Variants in PCDHA13 observed in about 807,000 individuals in gnomAD.
The protein encoded by PCDHA13 is protocadherin alpha-13.
Under a neutral mutation model 64.8 loss-of-function variants are expected in PCDHA13, and 54 were observed. That is an observed-to-expected ratio of 0.83 (90% CI 0.67 to 1.04). The LOEUF (loss-of-function observed/expected upper bound fraction) is 1.04. Ranked by LOEUF, PCDHA13 falls within the 50% of genes least tolerant of loss-of-function variation. PCDHA13 has a pLI of 0.00. For missense variants in PCDHA13, 1,248 were observed against 1,254.3 expected, an observed-to-expected ratio of 0.99 and a Z score of 0.08; for synonymous variants, 587 against 564.4, an observed-to-expected ratio of 1.04 and a Z score of -0.57.
At chr5:140,904,164 T>C (rs1475689291) in intron 1 of PCDHA13, among the ~76,000 whole-genome samples, 1 of 152,078 alleles carries the variant, frequency 6.6e-6, no homozygotes, top group Non-Finnish European at 1.5e-5. Flanking sequence ...CAGTTTGTAG[T>C]CTTTTATTCC....
rs762916391 is a variant in PCDHA13, at chr5:140,927,929, C to T, written c.2394+43267C>T. 13 of 1,614,090 alleles carry T rather than the reference C, an allele frequency of 8.1e-6. No homozygotes were observed. The highest frequency in any genetic ancestry group is 5.0e-5 in the Admixed American group (3 of 60,008). ...CCCGAACTGGACTTCCTGACTCTTT[C>T]GAACCCAGTACCTGAGGACGCTGCC... On this transcript the variant is annotated intron_variant, in intron 1 of 3. Transcript: ENST00000289272.
At chr5:140,953,419 C>T (rs2094885258) in intron 1 of PCDHA13, among the ~76,000 whole-genome samples, 2 of 152,134 alleles carry the variant, frequency 1.3e-5, no homozygotes, top group Admixed American at 1.3e-4. Context: ...GGCTCCTCCC[C>T]TTTGTCCTTA....
intron 1 of PCDHA13, among the ~76,000 whole-genome samples, chr5:140,935,292 G>A (rs782760921): frequency 3.0e-4 from 46 of 152,068 alleles, no homozygotes; most frequent in Non-Finnish European, 3.8e-4. Context: ...TCAGCACTCC[G>A]AGGTTTTTAC....
intron 1 of PCDHA13, among the ~76,000 whole-genome samples, chr5:140,889,028 C>T (rs1015343865): frequency 4.0e-5 from 6 of 151,754 alleles, no homozygotes; most frequent in African/African-American, 7.3e-5. Flanking sequence ...CTTGGATAAC[C>T]GTAATTTGAT....
chr5:140,989,925 T>G (rs2097366658), intron 3 of PCDHA13, among the ~76,000 whole-genome samples: 1 of 151,810 alleles, frequency 6.6e-6, no homozygotes, highest in South Asian at 2.1e-4. Context: ...AGAGCAGAGA[T>G]AGATGACATT....
chr5:140,937,937 G>T (rs1584936873), intron 1 of PCDHA13, among the ~76,000 whole-genome samples: 1 of 151,274 alleles, frequency 6.6e-6, no homozygotes. Flanking sequence ...AGTTTAATTT[G>T]ATAATTGGCT....
chr5:141,002,173 C>T (rs1442739241), intron 3 of PCDHA13, among the ~76,000 whole-genome samples: 2 of 152,192 alleles, frequency 1.3e-5, no homozygotes, highest in Non-Finnish European at 2.9e-5. Flanking sequence ...TAGGCAGGCT[C>T]CAGAGTGCTG....
At chr5:140,953,948 C>T (rs1012464637) in intron 1 of PCDHA13, among the ~76,000 whole-genome samples, 1 of 152,092 alleles carries the variant, frequency 6.6e-6, no homozygotes, top group Non-Finnish European at 1.5e-5. Flanking sequence ...CATTGCTCCC[C>T]CAACAGGCCC....
intron 1 of PCDHA13, among the ~76,000 whole-genome samples, chr5:140,939,155 G>C (rs1279259680): frequency 6.6e-6 from 1 of 152,196 alleles, no homozygotes; most frequent in Non-Finnish European, 1.5e-5. Flanking sequence ...GGTCCTGGCA[G>C]ATTTGTGTCT....
intron 1 of PCDHA13, among the ~76,000 whole-genome samples, chr5:140,945,463 A>G (rs1554216960): frequency 6.6e-6 from 1 of 152,166 alleles, no homozygotes; most frequent in African/African-American, 2.4e-5. Flanking sequence ...TAAAATTTGC[A>G]TGGAACCACA....
Position 140,927,948 on chromosome 5 carries a change from C to T in PCDHA13, c.2394+43286C>T, listed in dbSNP as rs1012110026. The T allele has an allele frequency of 4.3e-6, 7 of 1,614,072 alleles. No homozygotes were observed. In the African/African-American group the frequency reaches 5.3e-5, roughly 12 times the overall value. On this transcript the variant is annotated intron_variant, in intron 1 of 3. Transcript: ENST00000289272. The stretch of plus-strand genomic sequence containing the variant: ...CTCTTTCGAACCCAGTACCTGAGGA[C>T]GCTGCCCCTGGCACAGTGATTGCTC...
intron 1 of PCDHA13, among the ~76,000 whole-genome samples, chr5:140,936,879 C>A (rs2091197572): frequency 6.6e-6 from 1 of 152,054 alleles, no homozygotes; most frequent in African/African-American, 2.4e-5. Flanking sequence ...AAAAACCCTG[C>A]TTTGATTTTA....
rs568789486 is a variant in PCDHA13 at position 140,896,494 on chromosome 5, C to G, written c.2394+11832C>G. 6.6e-5 allele frequency among the ~76,000 whole-genome samples: 10 copies of G among 151,966 alleles called. No individual in the cohort carries two copies. In the East Asian group the frequency reaches 1.9e-3, roughly 29 times the overall value. On this transcript the variant is annotated intron_variant, in intron 1 of 3. Coordinates refer to ENST00000289272, the MANE Select transcript of PCDHA13 (RefSeq NM_018904.3). The stretch of plus-strand genomic sequence containing the variant: ...TCTCCTGCCTCAGCCTCCTGAGTAG[C>G]TGGGACTGTGCAGGCACACACCACA...
At chr5:140,972,708 G>C (rs1309799075) in intron 1 of PCDHA13, among the ~76,000 whole-genome samples, 1 of 146,140 alleles carries the variant, frequency 6.8e-6, no homozygotes, top group East Asian at 2.0e-4. Context: ...TCTGTTGCCA[G>C]GCTGGAGTGC....
chr5:141,010,030 C>CTAG lies in PCDHA13; in HGVS notation c.*93_*94insTAG. The stretch of plus-strand genomic sequence containing the variant: ...ATTCCCTGCTCCTTTTTCCTATCTA[C>CTAG]ATGAGCCCTCTTAGAGACCTCAGAA... On this transcript the variant is annotated 3_prime_UTR_variant, in exon 4 of 4. Coordinates refer to ENST00000289272, the MANE Select transcript of PCDHA13 (RefSeq NM_018904.3). 1 of 1,580,910 alleles carries CTAG rather than the reference C, an allele frequency of 6.3e-7. No homozygotes were observed. Among genetic ancestry groups the CTAG allele is most frequent in the Admixed American group, 1.8e-5 (1 of 54,776 alleles).
intron 1 of PCDHA13, among the ~76,000 whole-genome samples, chr5:140,896,330 A>C (rs1435351695): frequency 1.3e-5 from 2 of 152,170 alleles, no homozygotes. Flanking sequence ...CAGTGGCTAA[A>C]CTAATTTATA....
chr5:140,968,301 A>G (rs886575781), intron 1 of PCDHA13: 9 of 1,613,914 alleles, frequency 5.6e-6, no homozygotes, highest in Non-Finnish European at 7.6e-6. Flanking sequence ...CTGGAGAGGG[A>G]GATTCAAGGG....
chr5:140,892,596 T>C (rs143701120), intron 1 of PCDHA13, among the ~76,000 whole-genome samples: 79 of 152,254 alleles, frequency 5.2e-4, no homozygotes, highest in African/African-American at 1.4e-3. Flanking sequence ...CATTCACCTA[T>C]TTTTTTCCTT....
chr5:141,006,992 A>C (rs1187318452), intron 3 of PCDHA13, among the ~76,000 whole-genome samples: 3 of 152,196 alleles, frequency 2.0e-5, no homozygotes, highest in Non-Finnish European at 2.9e-5. Flanking sequence ...GGCTTAAAAT[A>C]TAAGTCTGCA....
Sources: allele counts gnomAD v4.1 joint callset (sites outside exome capture counted in the v4.1 genomes callset), GRCh38; gene constraint gnomAD v4.1.1; transcripts MANE v1.5; gene names NCBI Gene and HGNC (gene_info 2026-07-23, HGNC 2026-07-21).